The following ABCG1 variants were observed in gnomAD, a reference collection of about 807,000 sequenced individuals.
The protein encoded by ABCG1 is ATP binding cassette subfamily G member 1.
A neutral mutation model predicts 69.2 loss-of-function variants in ABCG1; 29 were observed. The observed-to-expected ratio is 0.42, with a 90% CI of 0.31 to 0.57. The LOEUF (loss-of-function observed/expected upper bound fraction) is 0.57. Among genes scored for constraint, ABCG1 ranks in the 20% least tolerant of loss-of-function variants. The pLI, the probability that ABCG1 is intolerant of heterozygous loss-of-function variation, is 0.15. For synonymous variants in ABCG1, 370 were observed against 374.8 expected (o/e 0.99, Z 0.15); for missense variants, 718 against 898.1 (o/e 0.80, Z 2.56).
chr21:42,220,150 C>G (rs2067700845), intron 1 of ABCG1: 1 of 1,005,120 alleles, frequency 9.9e-7, no homozygotes, highest in Admixed American at 2.2e-5. Context: ...CCCACCTCAC[C>G]TTATCCTAGC....
chr21:42,265,039 G>A (rs968194252), intron 2 of ABCG1, among the ~76,000 whole-genome samples: 5 of 152,152 alleles, frequency 3.3e-5, no homozygotes, highest in African/African-American at 4.8e-5. Context: ...GTTGGTGCTC[G>A]CTTGTGCTGG....
intron 1 of ABCG1, among the ~76,000 whole-genome samples, 155 bp from the exon 2 acceptor site, chr21:42,225,516 G>A (rs1173057518): frequency 3.3e-5 from 5 of 152,150 alleles, no homozygotes; most frequent in African/African-American, 9.7e-5. Flanking sequence ...ATTCCTCTAG[G>A]TGGGCACATT....
At chr21:42,223,536 A>G (rs2067765531) in intron 1 of ABCG1, among the ~76,000 whole-genome samples, 1 of 151,872 alleles carries the variant, frequency 6.6e-6, no homozygotes, top group Non-Finnish European at 1.5e-5. Flanking sequence ...CCAAAGCATC[A>G]AGAAGCACAG....
intron 2 of ABCG1, among the ~76,000 whole-genome samples, chr21:42,250,966 G>A (rs376853366): frequency 4.6e-5 from 7 of 152,248 alleles, no homozygotes; most frequent in African/African-American, 1.7e-4. Context: ...TGGCAGGAAC[G>A]GCAGGGATCA....
At chr21:42,224,470 A>C (rs2067782195) in intron 1 of ABCG1, among the ~76,000 whole-genome samples, 1 of 152,168 alleles carries the variant, frequency 6.6e-6, no homozygotes, top group African/African-American at 2.4e-5. Flanking sequence ...TCTGCTCGGG[A>C]ATGCGGGGAA....
At position 42,296,270 on chromosome 21, in the gene ABCG1, C is replaced by T. The variant is rs1204979100; in HGVS notation, c.1879C>T (p.Arg627Trp). 3 of 1,614,124 alleles carry T rather than the reference C, an allele frequency of 1.9e-6. No homozygotes were observed. The highest frequency in any genetic ancestry group is 2.5e-6 in the Non-Finnish European group (3 of 1,180,024). Residue 627 changes from arginine to tryptophan, a missense_variant, in exon 15 of 15, where the codon CGG becomes TGG. Arg to Trp is a moderately radical substitution (Grantham distance 101, BLOSUM62 -3). This residue lies in a region of ABCG1 where 204 missense variants were observed against 323.8 expected (regional missense o/e 0.63). Transcript: ENST00000398449. This position sits in a 1 kb window ranked among gnomAD's most constrained non-coding sequence, Gnocchi z 5.4. ...CTTCCAGAAGTCGGAGGCCATCCTG[C>T]GGGAGCTGGACGTGGAAAATGCCAA... ...CHFQKSEAIL[R>W]ELDVENAKLY...
intron 2 of ABCG1, among the ~76,000 whole-genome samples, chr21:42,228,433 C>A (rs1258289149): frequency 6.6e-6 from 1 of 152,220 alleles, no homozygotes; most frequent in African/African-American, 2.4e-5. Context: ...CCTCTCCCTG[C>A]TCCTCCTCCC....
At chr21:42,224,926 A>G (rs1343115235) in intron 1 of ABCG1, among the ~76,000 whole-genome samples, 1 of 150,812 alleles carries the variant, frequency 6.6e-6, no homozygotes, top group Non-Finnish European at 1.5e-5. Flanking sequence ...CTCTTGATGC[A>G]GTGAAATGAA....
upstream of ABCG1, among the ~76,000 whole-genome samples, chr21:42,218,558 T>C (rs2123488590): frequency 6.6e-6 from 1 of 152,342 alleles, no homozygotes; most frequent in South Asian, 2.1e-4. Flanking sequence ...CTTAGCACCA[T>C]GGCTGGCGCA....
At chr21:42,204,341 C>T (rs1362713818) in intron 2 of ABCG1, among the ~76,000 whole-genome samples, 1 of 152,170 alleles carries the variant, frequency 6.6e-6, no homozygotes, top group African/African-American at 2.4e-5. Context: ...AAGGAGGAAG[C>T]ATTGAGTTGT....
chr21:42,249,861 C>A (rs1279758962), intron 2 of ABCG1, among the ~76,000 whole-genome samples: 1 of 151,938 alleles, frequency 6.6e-6, no homozygotes, highest in Non-Finnish European at 1.5e-5. Context: ...AAAAATTAGC[C>A]AGGCATGGTG....
At chr21:42,241,276 C>G (rs1191221938) in intron 2 of ABCG1, among the ~76,000 whole-genome samples, 1 of 152,178 alleles carries the variant, frequency 6.6e-6, no homozygotes, top group Non-Finnish European at 1.5e-5. Context: ...CATCCGTGAG[C>G]TCATCATAAA....
upstream of ABCG1, among the ~76,000 whole-genome samples, chr21:42,214,244 G>T (rs2067616643): frequency 6.6e-6 from 1 of 152,208 alleles, no homozygotes; most frequent in Non-Finnish European, 1.5e-5. Flanking sequence ...TCATAAGACA[G>T]GTTGAAGGGC....
intron 4 of ABCG1, among the ~76,000 whole-genome samples, chr21:42,275,807 G>C (rs1045472134): frequency 6.6e-6 from 1 of 152,250 alleles, no homozygotes; most frequent in South Asian, 2.1e-4. Flanking sequence ...TCAAGGTCCT[G>C]TCTCACACGG....
chr21:42,269,038 G>C (rs1021505009), intron 2 of ABCG1, among the ~76,000 whole-genome samples: 8 of 152,212 alleles, frequency 5.3e-5, no homozygotes, highest in Non-Finnish European at 1.0e-4. Context: ...AGGCTTCTCA[G>C]AGCCCGAGGC....
At chr21:42,247,432 G>A (rs1394871930) in intron 2 of ABCG1, among the ~76,000 whole-genome samples, 2 of 152,222 alleles carry the variant, frequency 1.3e-5, no homozygotes, top group African/African-American at 2.4e-5. Context: ...CCACAAAGAG[G>A]GGCAGAACCC....
chr21:42,276,700 G>A lies in ABCG1; in HGVS notation c.538-195G>A, dbSNP rs540996155. 1.2e-5 allele frequency: 7 copies of A among 599,958 alleles called. No homozygotes were observed. Among genetic ancestry groups the A allele is most frequent in the South Asian group, 1.2e-4 (6 of 51,480 alleles). The allele number at this position is 599,958 out of a possible 1,614,324, so 37.2% of individuals were successfully genotyped here. The stretch of plus-strand genomic sequence containing the variant: ...ACTGTGGATAGCTGCACCGTGACTA[G>A]TGGCACCGTGGCTAGCTGCACCGTG... On this transcript the variant is annotated intron_variant, in intron 4 of 14. Coordinates refer to ENST00000398449, the MANE Select transcript of ABCG1 (RefSeq NM_016818.3). This position sits in a 1 kb window ranked among gnomAD's most constrained non-coding sequence, Gnocchi z 5.3.
chr21:42,294,875 C>A (rs1234476924), intron 14 of ABCG1: 3 of 544,516 alleles, frequency 5.5e-6, no homozygotes, highest in Non-Finnish European at 1.0e-5. Context: ...CACAAACCAG[C>A]GCTTCACACC....
At chr21:42,292,564 G>A (rs930263333) in intron 13 of ABCG1, among the ~76,000 whole-genome samples, 3 of 151,650 alleles carry the variant, frequency 2.0e-5, no homozygotes, top group Non-Finnish European at 2.9e-5. Flanking sequence ...GGTTGCACAC[G>A]GCACACATGC....
Sources: gnomAD v4.1 joint callset for allele counts (sites outside exome capture counted in the v4.1 genomes callset) on GRCh38, gnomAD v4.1.1 for gene constraint, gnomAD v4.1.1 regional missense constraint, Gnocchi (gnomAD v3.1) non-coding constraint, MANE v1.5 for transcripts, NCBI Gene and HGNC (gene_info 2026-07-23, HGNC 2026-07-21) for gene names.